The following KNG1 variants were observed in gnomAD, a reference collection of about 807,000 sequenced individuals.
KNG1 encodes kininogen-1.
KNG1 carries 23 observed loss-of-function variants against 47.8 expected under a neutral mutation model. The observed-to-expected ratio is 0.48, with a 90% CI of 0.35 to 0.68. The LOEUF is 0.68. KNG1 is among the 30% of genes least tolerant of loss of function. The probability of loss-of-function intolerance (pLI) is 0.01; values close to 1 mark genes in which losing one functional copy is unlikely to be tolerated. For missense variants in KNG1, 762 were observed against 790.2 expected (o/e 0.96, Z 0.43); for synonymous variants, 277 against 277.0 (o/e 1.00, Z 0.00).
intron 6 of KNG1, 88 bp from the exon 7 acceptor site, chr3:186,732,414 C>A (rs1367662643): frequency 2.4e-6 from 3 of 1,264,968 alleles, no homozygotes; most frequent in Non-Finnish European, 3.5e-6. Context: ...GCCCCTTATA[C>A]ATGTGGATGC....
chr3:186,729,131 A>G (rs190028516), intron 5 of KNG1: 31 of 152,356 alleles, frequency 2.0e-4, no homozygotes, highest in Admixed American at 2.0e-3. Flanking sequence ...TAAGAGTTTA[A>G]CATGCAGAAT....
At chr3:186,726,995 G>A (rs1210132506) in intron 4 of KNG1, among the ~76,000 whole-genome samples, 2 of 149,522 alleles carry the variant, frequency 1.3e-5, no homozygotes, top group African/African-American at 4.9e-5. Flanking sequence ...TATATTGCTT[G>A]TCATTTTCAG....
At position 186,743,685 on chromosome 3, in the gene KNG1, G is replaced by A; in HGVS notation, c.*1354G>A. Reference sequence around the variant, plus strand: ...ATTGAATGATAACATCATATTAACTGCGTTTTACTATACTTACAGAGTCAC... The same window carrying A: ...ATTGAATGATAACATCATATTAACTACGTTTTACTATACTTACAGAGTCAC... On this transcript the variant is annotated 3_prime_UTR_variant, in exon 10 of 10. Transcript: ENST00000644859. 6.3e-7 allele frequency: 1 copy of A among 1,585,288 alleles called. No individual in the cohort carries two copies. Among genetic ancestry groups the A allele is most frequent in the Non-Finnish European group, 8.7e-7 (1 of 1,153,866 alleles).
At position 186,741,807 on chromosome 3, in the gene KNG1, C is replaced by T. The variant is rs1462515016; in HGVS notation, c.1411C>T (p.Leu471Phe). Reference sequence around the variant, plus strand: ...CCATGGACACGAACAACAGCATGGTCTTGGTCATGGACATAAGTTCAAACT... The same window carrying T: ...CCATGGACACGAACAACAGCATGGTTTTGGTCATGGACATAAGTTCAAACT... ...LGHGHEQQHG[L>F]GHGHKFKLDD... The change falls in exon 10 of 10, where the codon CTT becomes TTT. Residue 471 changes from leucine to phenylalanine, a missense_variant. Transcript: ENST00000644859. The T allele has an allele frequency of 2.5e-6, 4 of 1,613,844 alleles. No homozygotes were observed. The African/African-American group carries it at 4.0e-5, about 16-fold the overall frequency.
chr3:186,730,655 C>CAAA (rs869232105), intron 5 of KNG1, among the ~76,000 whole-genome samples: 45 of 80,102 alleles, frequency 5.6e-4, no homozygotes, highest in Admixed American at 8.2e-4. Flanking sequence ...GACTCCATCA[C>CAAA]AAAAAAAAAA....
Position 186,740,358 on chromosome 3 carries a change from C to T in KNG1, c.1125+944C>T, listed in dbSNP as rs189149399. Among the ~76,000 whole-genome samples, 3 of 152,292 alleles carry T rather than the reference C, an allele frequency of 2.0e-5. No homozygotes were observed. The East Asian group carries it at 5.8e-4, about 29-fold the overall frequency. On this transcript the variant is annotated intron_variant, in intron 9 of 9. Coordinates refer to ENST00000644859, the MANE Select transcript of KNG1 (RefSeq NM_001102416.3). Reference sequence around the variant, plus strand: ...CCACATTTTCGAGTCCTCCTTATAACTCTGTGAGGCAGGTGCTGTTATTAT... The same window carrying T: ...CCACATTTTCGAGTCCTCCTTATAATTCTGTGAGGCAGGTGCTGTTATTAT...
chr3:186,733,398 A>C (rs959099117), intron 7 of KNG1, among the ~76,000 whole-genome samples: 1 of 152,136 alleles, frequency 6.6e-6, no homozygotes, highest in Non-Finnish European at 1.5e-5. Context: ...ATATCAGTCA[A>C]TCCATCATTG....
Position 186,732,659 on chromosome 3 carries a change from A to G in KNG1, c.915A>G (p.Lys305=). Residue 305 remains lysine, a synonymous_variant, in exon 7 of 10, where the codon AAA becomes AAG. Transcript: ENST00000644859. ...ATFYFKIDNV[K]KARVQVVAGK... Reference sequence around the variant, plus strand: ...TCTATTTCAAGATTGACAATGTGAAAAAAGCAAGAGTACAGGTGTGTAAAC... The same window carrying G: ...TCTATTTCAAGATTGACAATGTGAAGAAAGCAAGAGTACAGGTGTGTAAAC... 1.2e-6 allele frequency: 2 copies of G among 1,613,882 alleles called. No homozygotes were observed. Among genetic ancestry groups the G allele is most frequent in the Non-Finnish European group, 1.7e-6 (2 of 1,179,718 alleles).
At position 186,741,510 on chromosome 3, in the gene KNG1, T is replaced by C; in HGVS notation, c.1126-12T>C. 6.2e-7 allele frequency: 1 copy of C among 1,604,956 alleles called. No homozygotes were observed. The highest frequency in any genetic ancestry group is 8.5e-7 in the Non-Finnish European group (1 of 1,177,200). Reference sequence around the variant, plus strand: ...TTGCAGTAATACATTCATCTTAATATTTTCTGTTTAGATCTCACTGATGAA... The same window carrying C: ...TTGCAGTAATACATTCATCTTAATACTTTCTGTTTAGATCTCACTGATGAA... On this transcript the variant is annotated splice_polypyrimidine_tract_variant and intron_variant, in intron 9 of 9. Transcript: ENST00000644859.
At position 186,743,622 on chromosome 3, in the gene KNG1, C is replaced by T. The variant is rs1720869328; in HGVS notation, c.*1291C>T. On this transcript the variant is annotated 3_prime_UTR_variant, in exon 10 of 10. Transcript: ENST00000644859. Reference sequence around the variant, plus strand: ...ACAACCACAGATGTCAGGAAAAAGTCTTACCTTGTCAACTGGTTGCTCCAC... The same window carrying T: ...ACAACCACAGATGTCAGGAAAAAGTTTTACCTTGTCAACTGGTTGCTCCAC... 1 of 992,578 alleles carries T rather than the reference C, an allele frequency of 1.0e-6. No individual in the cohort carries two copies. The highest frequency in any genetic ancestry group is 1.9e-5 in the Admixed American group (1 of 53,626). 61.5% of individuals were successfully genotyped at this position (992,578 alleles called of 1,614,324 possible).
rs981099253 is a variant in KNG1 at position 186,717,441 on chromosome 3, C to G, written c.-102C>G. The G allele has an allele frequency of 8.9e-6, 8 of 902,508 alleles. No homozygotes were observed. Among genetic ancestry groups the G allele is most frequent in the Admixed American group, 1.7e-5 (1 of 57,362 alleles). The allele number at this position is 902,508 out of a possible 1,614,324, so 55.9% of individuals were successfully genotyped here. On this transcript the variant is annotated 5_prime_UTR_variant, in exon 1 of 10. Coordinates refer to ENST00000644859, the MANE Select transcript of KNG1 (RefSeq NM_001102416.3). ...CTGAGTTCTGAGGCAGAGAGGAGGACAGAAGAAACAAGAGGCTGGAGATTG... is the reference window on the plus strand; with the variant it reads ...CTGAGTTCTGAGGCAGAGAGGAGGAGAGAAGAAACAAGAGGCTGGAGATTG...
rs377028466 is a variant in KNG1, at chr3:186,737,863, A to G, written c.931-1236A>G. Among the ~76,000 whole-genome samples the G allele has an allele frequency of 2.4e-4, 36 of 152,292 alleles. No individual in the cohort carries two copies. The South Asian group carries it at 7.1e-3, about 30-fold the overall frequency. On this transcript the variant is annotated intron_variant, in intron 7 of 9. Coordinates refer to ENST00000644859, the MANE Select transcript of KNG1 (RefSeq NM_001102416.3). The stretch of plus-strand genomic sequence containing the variant: ...GCAGGAGCCACTATTCCCGGCCAAC[A>G]CATTTAAATACTATGATTTAATACT...
intron 3 of KNG1, among the ~76,000 whole-genome samples, chr3:186,724,420 C>T (rs1648712): frequency 0.54 from 82,091 of 151,958 alleles, 22,359 homozygotes; most frequent in Middle Eastern, 0.62. Context: ...TTAATACAAA[C>T]TCTTTTTAAT....
chr3:186,733,232 G>A (rs187811304), intron 7 of KNG1, among the ~76,000 whole-genome samples: 192 of 146,344 alleles, frequency 1.3e-3, no homozygotes, highest in African/African-American at 4.5e-3. Flanking sequence ...GCAACAGAGC[G>A]AGACTCTGTC....
intron 3 of KNG1, among the ~76,000 whole-genome samples, chr3:186,723,424 G>A (rs1016891566): frequency 1.3e-5 from 2 of 151,792 alleles, no homozygotes; most frequent in African/African-American, 4.8e-5. Context: ...CCTTCTACCC[G>A]CTTACCCCGC....
chr3:186,739,398 G>A lies in KNG1; in HGVS notation c.1109G>A (p.Cys370Tyr), dbSNP rs764823390. 6.2e-7 allele frequency: 1 copy of A among 1,608,620 alleles called. No homozygotes were observed. The highest frequency in any genetic ancestry group is 1.1e-5 in the South Asian group (1 of 90,976). ...AAAAAAATTTACCCTACTGTCAACT[G>A]TCAACCACTGGGAATGGTATGATTC... ...WEKKIYPTVN[C>Y]QPLGMISLMK... Residue 370 changes from cysteine (C) to tyrosine (Y), a missense_variant, in exon 9 of 10, where the codon TGT becomes TAT. Physicochemically the swap from Cys to Tyr is radical, Grantham distance 194. Transcript: ENST00000644859.
intron 7 of KNG1, among the ~76,000 whole-genome samples, chr3:186,735,416 G>A (rs898535350): frequency 3.3e-5 from 5 of 152,084 alleles, no homozygotes; most frequent in African/African-American, 1.2e-4. Context: ...TCAGGAGTTC[G>A]AGACCAGCCT....
At chr3:186,720,779 TTTTGC>T in intron 2 of KNG1, among the ~76,000 whole-genome samples, 1 of 112,308 alleles carries the variant, frequency 8.9e-6, no homozygotes, top group African/African-American at 3.3e-5. Flanking sequence ...CTGGTTGTTG[TTTTGC>T]TTTTTTTTTT....
Position 186,725,125 on chromosome 3 carries a change from C to T in KNG1, c.429C>T (p.Leu143=), listed in dbSNP as rs1165584240. The stretch of plus-strand genomic sequence containing the variant: ...TGGTGACAGCCCAGTACGACTGCCT[C>T]GGCTGTGTGCATCCTATATCAACGC... The part of the protein sequence containing the change: ...GPVVTAQYDC[L]GCVHPISTQS... The change falls in exon 4 of 10, where the codon CTC becomes CTT. Residue 143 remains leucine (L), a synonymous_variant. Coordinates refer to ENST00000644859, the MANE Select transcript of KNG1 (RefSeq NM_001102416.3). 8 of 1,614,002 alleles carry T rather than the reference C, an allele frequency of 5.0e-6. No individual in the cohort carries two copies. Among genetic ancestry groups the T allele is most frequent in the Admixed American group, 1.7e-5 (1 of 59,998 alleles).
Sources: gnomAD v4.1 joint callset for allele counts (sites outside exome capture counted in the v4.1 genomes callset) on GRCh38, gnomAD v4.1.1 for gene constraint, MANE v1.5 for transcripts, NCBI Gene and HGNC (gene_info 2026-07-23, HGNC 2026-07-21) for gene names.